Variants in MBOAT7 observed in about 807,000 individuals in gnomAD.
MBOAT7 encodes membrane-bound acylglycerophosphatidylinositol O-acyltransferase MBOAT7.
Under a neutral mutation model 47.4 loss-of-function variants are expected in MBOAT7, and 40 were observed. The ratio of observed to expected loss-of-function variants is 0.84; its 90% CI spans 0.66 to 1.10. The LOEUF is 1.10. MBOAT7 is among the 50% of genes least tolerant of loss of function. MBOAT7 has a pLI of 0.00. For synonymous variants in MBOAT7, 361 were observed against 292.0 expected, an observed-to-expected ratio of 1.24 and a Z score of -2.41; for missense variants, 680 against 655.6, an observed-to-expected ratio of 1.04 and a Z score of -0.41.
In MBOAT7 at chr19:54,180,979, G is replaced by T. The variant is rs748032878; in HGVS notation, c.648C>A (p.Ala216=). The T allele has an allele frequency of 2.6e-6, 4 of 1,567,438 alleles. No individual in the cohort carries two copies. The East Asian group carries it at 6.9e-5, about 27-fold the overall frequency. Residue 216 remains alanine, a synonymous_variant, in exon 6 of 8, where the codon GCC becomes GCA. Coordinates refer to ENST00000245615, the MANE Select transcript of MBOAT7 (RefSeq NM_024298.5). The surrounding 1 kb of genome is among the most constrained non-coding windows in gnomAD (Gnocchi z 5.2). The part of the protein sequence containing the change: ...LLSSHLFPLE[A]VREDAFYARP... ...GGGCGTAGAAGGCGTCCTCGCGCAC[G>T]GCCTCCAGCGGGAAGAGGTGAGAGG...
chr19:54,180,895 G>A lies in MBOAT7; in HGVS notation c.732C>T (p.Arg244=). The change falls in exon 6 of 8, where the codon CGC becomes CGT. Residue 244 remains arginine (R), a synonymous_variant. Transcript: ENST00000245615. The surrounding 1 kb of genome is among the most constrained non-coding windows in gnomAD (Gnocchi z 5.2). ...MIPVFFAFRM[R]FYVAWIAAEC... is the part of the protein sequence containing the mutation. ...CGGCGGCAATCCAGGCCACGTAGAA[G>A]CGCATGCGGAAGGCGAAGAAGACGG... 6.3e-7 allele frequency: 1 copy of A among 1,597,116 alleles called. No individual in the cohort carries two copies. The highest frequency in any genetic ancestry group is 1.3e-5 in the African/African-American group (1 of 74,998).
At chr19:54,183,841 A>G (rs2076354801) in intron 4 of MBOAT7, among the ~76,000 whole-genome samples, 161 bp from the exon 5 acceptor site, 2 of 152,134 alleles carry the variant, frequency 1.3e-5, no homozygotes, top group African/African-American at 4.8e-5. Flanking sequence ...GGTGTTCCCC[A>G]GGGCTCAGTC....
chr19:54,176,947 C>A (rs1484118086), intron 7 of MBOAT7, among the ~76,000 whole-genome samples: 2 of 151,718 alleles, frequency 1.3e-5, no homozygotes, highest in African/African-American at 2.4e-5. Context: ...TTTGGCCGGG[C>A]ATGGTGACTC....
chr19:54,183,287 C>T (rs1402388269), intron 5 of MBOAT7, among the ~76,000 whole-genome samples: 2 of 152,180 alleles, frequency 1.3e-5, no homozygotes, highest in Admixed American at 6.5e-5. Context: ...GCTCCCAATA[C>T]GCTACAAGGA....
At chr19:54,178,132 G>C (rs1055321240) in intron 7 of MBOAT7, 2 of 614,460 alleles carry the variant, frequency 3.3e-6, no homozygotes, top group African/African-American at 4.0e-5. Flanking sequence ...GGCTGGTCTC[G>C]AACTCCTGAC....
intron 3 of MBOAT7, among the ~76,000 whole-genome samples, chr19:54,187,561 T>G (rs2076464559): frequency 6.6e-6 from 1 of 152,212 alleles, no homozygotes; most frequent in Non-Finnish European, 1.5e-5. Context: ...CTCCACTTTT[T>G]CTTTATTTCC....
chr19:54,175,144 T>TGC (rs1568776505), intron 7 of MBOAT7, among the ~76,000 whole-genome samples: 1 of 151,774 alleles, frequency 6.6e-6, no homozygotes, highest in East Asian at 1.9e-4. Context: ...CCCGGCTAAT[T>TGC]TTCTTTTCTA....
chr19:54,179,030 T>C (rs1462986816), intron 6 of MBOAT7, 89 bp from the exon 7 acceptor site: 3 of 1,517,544 alleles, frequency 2.0e-6, no homozygotes, highest in Admixed American at 2.0e-5. Flanking sequence ...CCCCGGATGC[T>C]AAGGAAGGGA....
At position 54,187,293 on chromosome 19, in the gene MBOAT7, C is replaced by T. The variant is rs1458558219; in HGVS notation, c.207-6G>A. 55 of 1,605,888 alleles carry T rather than the reference C, an allele frequency of 3.4e-5. No homozygotes were observed. The highest frequency in any genetic ancestry group is 4.5e-5 in the Non-Finnish European group (53 of 1,176,416). On this transcript the variant is annotated splice_polypyrimidine_tract_variant and splice_region_variant and intron_variant, in intron 3 of 7. Transcript: ENST00000245615. ...GAGCCAGGGCGTGGCAGGAGCTGGGCAAAAGCAGGAGGCGCACTGTGTTGG... is the reference window on the plus strand; with the variant it reads ...GAGCCAGGGCGTGGCAGGAGCTGGGTAAAAGCAGGAGGCGCACTGTGTTGG...
intron 1 of MBOAT7, among the ~76,000 whole-genome samples, 169 bp from the exon 2 acceptor site, chr19:54,188,680 C>T (rs887679134): frequency 2.6e-5 from 4 of 152,096 alleles, no homozygotes; most frequent in African/African-American, 9.7e-5. Flanking sequence ...GACTCCAGCC[C>T]CTTCCTCCTT....
chr19:54,187,033 G>T, intron 4 of MBOAT7, 128 bp downstream of exon 4: 1 of 1,173,252 alleles, frequency 8.5e-7, no homozygotes, highest in Non-Finnish European at 1.2e-6. Context: ...GGCAGCAAGT[G>T]AGGTGACGTC....
At chr19:54,182,505 G>GT (rs202073018) in intron 5 of MBOAT7, among the ~76,000 whole-genome samples, 2 of 148,918 alleles carry the variant, frequency 1.3e-5, no homozygotes, top group Non-Finnish European at 1.5e-5. Flanking sequence ...TTTGTGTTTT[G>GT]TTTTTTTTCA....
chr19:54,176,020 G>A (rs2076097565), intron 7 of MBOAT7, among the ~76,000 whole-genome samples: 1 of 152,184 alleles, frequency 6.6e-6, no homozygotes, highest in East Asian at 1.9e-4. Context: ...ACTGCACCCA[G>A]CCATTTTTGT....
At chr19:54,177,807 G>C (rs1318849025) in intron 7 of MBOAT7, among the ~76,000 whole-genome samples, 2 of 149,134 alleles carry the variant, frequency 1.3e-5, no homozygotes, top group East Asian at 3.9e-4. Context: ...TCACCATATT[G>C]CCCTGACCTC....
chr19:54,183,929 G>A (rs1298233854), intron 4 of MBOAT7, among the ~76,000 whole-genome samples: 2 of 152,036 alleles, frequency 1.3e-5, no homozygotes, highest in African/African-American at 2.4e-5. Context: ...CTATCCACAC[G>A]CTGAGGACGC....
At position 54,183,511 on chromosome 19, in the gene MBOAT7, C is replaced by G; in HGVS notation, c.493+10G>C. On this transcript the variant is annotated intron_variant, in intron 5 of 7. Transcript: ENST00000245615. ...CAGAGCGGCAGAGTTGTTAGGGCAG[C>G]CCCACTCACCTGTCATGATTCCCAC... 1.2e-6 allele frequency: 2 copies of G among 1,606,106 alleles called. No homozygotes were observed. Among genetic ancestry groups the G allele is most frequent in the Non-Finnish European group, 1.7e-6 (2 of 1,176,530 alleles).
Position 54,188,230 on chromosome 19 carries a change from G to C in MBOAT7, c.193C>G (p.Gln65Glu). 1 of 1,612,856 alleles carries C rather than the reference G, an allele frequency of 6.2e-7. No homozygotes were observed. Reference sequence around the variant, plus strand: ...CCAAATTCTCACCAGGGCTGGGCCTGAATGAGGGCCCAGGTCCCGAGGATG... The same window carrying C: ...CCAAATTCTCACCAGGGCTGGGCCTCAATGAGGGCCCAGGTCCCGAGGATG... The part of the protein sequence containing the change: ...VTILGTWALI[Q>E]AQPCSCHALA... The change falls in exon 3 of 8, where the codon CAG becomes GAG. Residue 65 changes from glutamine to glutamate, a missense_variant. Physicochemically the swap from Gln to Glu is conservative, Grantham distance 29. Transcript: ENST00000245615.
chr19:54,179,059 C>G, intron 6 of MBOAT7, 118 bp from the exon 7 acceptor site: 1 of 1,399,900 alleles, frequency 7.1e-7, no homozygotes. Context: ...AGGCAATGGC[C>G]CTCTGGCTGT....
At chr19:54,175,158 T>G (rs968117955) in intron 7 of MBOAT7, among the ~76,000 whole-genome samples, 2 of 152,018 alleles carry the variant, frequency 1.3e-5, no homozygotes, top group Non-Finnish European at 1.5e-5. Context: ...TTTTCTATTT[T>G]TAGTAGAGAC....
Sources: allele counts gnomAD v4.1 joint callset (sites outside exome capture counted in the v4.1 genomes callset), GRCh38; gene constraint gnomAD v4.1.1; non-coding constraint Gnocchi (gnomAD v3.1); transcripts MANE v1.5; gene names NCBI Gene and HGNC (gene_info 2026-07-23, HGNC 2026-07-21).